NOL10: variants seen among roughly 807,000 people sequenced by gnomAD.
The protein encoded by NOL10 is nucleolar protein 10, also known as H_NH0074G24.1.
In NOL10, 58 loss-of-function variants were observed where a neutral mutation model predicts 103.5. That is an observed-to-expected ratio of 0.56 (90% CI 0.45 to 0.70). The LOEUF is 0.70. Among genes scored for constraint, NOL10 ranks in the 30% least tolerant of loss-of-function variants. NOL10 has a pLI of 0.00. For missense variants in NOL10, 763 were observed against 807.3 expected (o/e 0.95, Z 0.67); for synonymous variants, 287 against 282.5 (o/e 1.02, Z -0.16).
At chr2:10,595,967 TA>T (rs983154153) in intron 17 of NOL10, among the ~76,000 whole-genome samples, 1 of 151,562 alleles carries the variant, frequency 6.6e-6, no homozygotes, top group African/African-American at 2.4e-5. Context: ...AACTGTAATT[TA>T]AAAAAAACAA....
rs754675548 is a variant in NOL10, at chr2:10,602,853, A to G, written c.1255T>C (p.Phe419Leu). The G allele has an allele frequency of 1.2e-6, 2 of 1,607,688 alleles. No homozygotes were observed. Among genetic ancestry groups the G allele is most frequent in the African/African-American group, 2.7e-5 (2 of 74,710 alleles). ...YHKVKLMVNPFAYEEYRKDKI... is the reference protein window; with the variant it reads ...YHKVKLMVNPLAYEEYRKDKI... The stretch of plus-strand genomic sequence containing the variant: ...TCTTTCCTATATTCTTCATAAGCAA[A>G]TGGATTTACCATCAGTTTCACCTTT... Residue 419 changes from phenylalanine (F) to leucine (L), a missense_variant, in exon 16 of 21, where the codon TTT becomes CTT. Coordinates refer to ENST00000381685, the MANE Select transcript of NOL10 (RefSeq NM_024894.4).
chr2:10,689,889 G>A lies in NOL10; in HGVS notation c.-28C>T, dbSNP rs373807671. The stretch of plus-strand genomic sequence containing the variant: ...CGCCGCACAACACTGTTCAAGTCCC[G>A]GGTCCTTTCCCACCAGCGTGCTCGA... On this transcript the variant is annotated 5_prime_UTR_variant, in exon 1 of 21. Transcript: ENST00000381685. 1.6e-5 allele frequency: 25 copies of A among 1,589,174 alleles called. No individual in the cohort carries two copies. In the South Asian group the frequency reaches 2.2e-4, roughly 14 times the overall value.
chr2:10,609,382 T>C (rs1447763515), intron 13 of NOL10, among the ~76,000 whole-genome samples: 1 of 145,532 alleles, frequency 6.9e-6, no homozygotes, highest in Non-Finnish European at 1.5e-5. Flanking sequence ...GGTCAGGAGA[T>C]TGAGACCATC....
chr2:10,670,512 A>C (rs1340602147), intron 6 of NOL10, among the ~76,000 whole-genome samples: 1 of 152,156 alleles, frequency 6.6e-6, no homozygotes, highest in Non-Finnish European at 1.5e-5. Flanking sequence ...AGGTGGGTGG[A>C]TCACCTGAGG....
At chr2:10,619,087 A>G (rs542743577) in intron 13 of NOL10, among the ~76,000 whole-genome samples, 1 of 152,358 alleles carries the variant, frequency 6.6e-6, no homozygotes, top group East Asian at 1.9e-4. Flanking sequence ...TAAAACATTT[A>G]GGAACAGGAC....
intron 13 of NOL10, among the ~76,000 whole-genome samples, chr2:10,610,561 G>T (rs1329569066): frequency 1.3e-5 from 2 of 152,112 alleles, no homozygotes; most frequent in African/African-American, 4.8e-5. Flanking sequence ...CCATAACAAA[G>T]TTGAAATTAT....
chr2:10,599,089 G>GA (rs1357274081), intron 17 of NOL10, among the ~76,000 whole-genome samples: 2 of 151,878 alleles, frequency 1.3e-5, no homozygotes, highest in Non-Finnish European at 2.9e-5. Flanking sequence ...AGAAATGGGG[G>GA]GAAGGGAAGG....
chr2:10,620,780 T>C (rs1677099739), intron 13 of NOL10, among the ~76,000 whole-genome samples: 1 of 152,148 alleles, frequency 6.6e-6, no homozygotes, highest in South Asian at 2.1e-4. Flanking sequence ...GCAGTGTGTA[T>C]ATACTGTTGA....
intron 12 of NOL10, among the ~76,000 whole-genome samples, chr2:10,652,747 C>T (rs1465807604): frequency 6.6e-6 from 1 of 152,180 alleles, no homozygotes; most frequent in East Asian, 1.9e-4. Flanking sequence ...CATTCATTCC[C>T]ACCACTTCTG....
intron 17 of NOL10, among the ~76,000 whole-genome samples, chr2:10,593,024 C>T (rs1675470377): frequency 6.6e-6 from 1 of 152,180 alleles, no homozygotes; most frequent in African/African-American, 2.4e-5. Context: ...ATACCACAGT[C>T]CTACCTGGAA....
intron 19 of NOL10, among the ~76,000 whole-genome samples, chr2:10,581,154 T>C (rs114542611): frequency 0.037 from 5,664 of 152,278 alleles, 209 homozygotes; most frequent in African/African-American, 0.094. Flanking sequence ...GCCTCATCTA[T>C]AGGCATAACG....
At chr2:10,636,323 C>A (rs925640532) in intron 13 of NOL10, among the ~76,000 whole-genome samples, 1 of 149,836 alleles carries the variant, frequency 6.7e-6, no homozygotes, top group Non-Finnish European at 1.5e-5. Flanking sequence ...TAATCCCAAT[C>A]CCAACACTCT....
chr2:10,642,243 T>C (rs1050463560), intron 13 of NOL10, among the ~76,000 whole-genome samples: 3 of 152,202 alleles, frequency 2.0e-5, no homozygotes, highest in Admixed American at 1.3e-4. Flanking sequence ...ACCAGGCAAT[T>C]CAAGGATGAA....
Position 10,646,935 on chromosome 2 carries a change from TA to T in NOL10, c.974-2564del, listed in dbSNP as rs1191710778. On this transcript the variant is annotated intron_variant, in intron 12 of 20. Coordinates refer to ENST00000381685, the MANE Select transcript of NOL10 (RefSeq NM_024894.4). ...TAACATCAAACTGAAAAGCAAAAGA[TA>T]ACCGTAAGTACAGTGTGAGGACAAC... Among the ~76,000 whole-genome samples, 18 of 152,164 alleles carry T rather than the reference TA, an allele frequency of 1.2e-4. 1 individual carries two copies. Among genetic ancestry groups the T allele is most frequent in the African/African-American group, 4.1e-4 (17 of 41,432 alleles).
intron 14 of NOL10, among the ~76,000 whole-genome samples, chr2:10,605,860 G>A (rs1676227280): frequency 2.0e-5 from 3 of 152,086 alleles, no homozygotes; most frequent in African/African-American, 7.2e-5. Context: ...AAGTAATTCC[G>A]CCTGGATTAA....
intron 1 of NOL10, among the ~76,000 whole-genome samples, chr2:10,685,850 G>C (rs1054791033): frequency 7.6e-6 from 1 of 131,498 alleles, no homozygotes; most frequent in Non-Finnish European, 1.7e-5. Context: ...GATCACTTGA[G>C]CCCAGGAGTT....
intron 13 of NOL10, among the ~76,000 whole-genome samples, chr2:10,618,645 G>A (rs1252823323): frequency 6.6e-6 from 1 of 152,104 alleles, no homozygotes; most frequent in Non-Finnish European, 1.5e-5. Flanking sequence ...CCCAGTTAAG[G>A]TTTGTCTGGG....
chr2:10,601,157 G>A (rs1675954338), intron 16 of NOL10, among the ~76,000 whole-genome samples: 2 of 151,768 alleles, frequency 1.3e-5, no homozygotes, highest in Admixed American at 6.6e-5. Flanking sequence ...TCCGCCTCCC[G>A]GGTTCATGCC....
chr2:10,677,899 ATG>A (rs570376706), intron 3 of NOL10, among the ~76,000 whole-genome samples: 137 of 151,236 alleles, frequency 9.1e-4, no homozygotes, highest in African/African-American at 3.1e-3. Flanking sequence ...GTGTGTATAT[ATG>A]TGTGTGTACA....
Sources: gnomAD v4.1 joint callset for allele counts (sites outside exome capture counted in the v4.1 genomes callset) on GRCh38, gnomAD v4.1.1 for gene constraint, MANE v1.5 for transcripts, NCBI Gene and HGNC (gene_info 2026-07-23, HGNC 2026-07-21) for gene names.